RGMA: variants seen among roughly 807,000 people sequenced by gnomAD.
RGMA encodes the protein repulsive guidance molecule BMP co-receptor a.
A neutral mutation model predicts 23.2 loss-of-function variants in RGMA; 10 were observed. The ratio of observed to expected loss-of-function variants is 0.43; its 90% CI spans 0.27 to 0.73. The LOEUF is 0.73. Among genes scored for constraint, RGMA ranks in the 30% least tolerant of loss-of-function variants. The probability of loss-of-function intolerance (pLI) is 0.20; values close to 1 mark genes in which losing one functional copy is unlikely to be tolerated. For missense variants in RGMA, 547 were observed against 630.5 expected, an observed-to-expected ratio of 0.87 and a Z score of 1.42; for synonymous variants, 308 against 279.3, an observed-to-expected ratio of 1.10 and a Z score of -1.03.
chr15:93,073,471 G>A (rs1350387065), intron 1 of RGMA: 16 of 1,110,492 alleles, frequency 1.4e-5, no homozygotes, highest in Non-Finnish European at 2.0e-5. Context: ...GAGGCCGCAG[G>A]GCATGAGGCG....
At chr15:93,067,925 G>A (rs1430160732) in intron 2 of RGMA, among the ~76,000 whole-genome samples, 1 of 152,088 alleles carries the variant, frequency 6.6e-6, no homozygotes, top group Non-Finnish European at 1.5e-5. Flanking sequence ...GGTGACAGAG[G>A]GAACAGGCAG....
chr15:93,052,488 G>T lies in RGMA; in HGVS notation c.150C>A (p.Ile50=). The change falls in exon 3 of 4, where the codon ATC becomes ATA. Residue 50 remains isoleucine, a synonymous_variant. Coordinates refer to ENST00000329082, the MANE Select transcript of RGMA (RefSeq NM_020211.3). ...SFPAATSPCK[I]LKCNSEFWSA... ...TCCAGAACTCAGAGTTGCACTTGAG[G>T]ATCTTGCACGGGGAGGTGGCTGAGG... 1 of 1,575,250 alleles carries T rather than the reference G, an allele frequency of 6.3e-7. No individual in the cohort carries two copies. The highest frequency in any genetic ancestry group is 8.6e-7 in the Non-Finnish European group (1 of 1,161,476).
chr15:93,045,638 T>C lies in RGMA; in HGVS notation c.713A>G (p.Glu238Gly). The change falls in exon 4 of 4, where the codon GAG (glutamate) becomes GGG (glycine). Residue 238 changes from glutamate (E) to glycine (G), a missense_variant. By Grantham distance (98) the Glu-to-Gly change is moderately conservative. This residue lies in a region of RGMA where 128 missense variants were observed against 191.7 expected (regional missense o/e 0.67). Transcript: ENST00000329082. The surrounding 1 kb of genome is among the most constrained non-coding windows in gnomAD (Gnocchi z 6.9). ...GCCATCCACGAAGGCGGCCGGGAGC[T>C]CGTCCATCTCAGCCTGGTACACCTT... ...DQKVYQAEMD[E>G]LPAAFVDGSK... is the part of the protein sequence containing the mutation. 2 of 1,611,658 alleles carry C rather than the reference T, an allele frequency of 1.2e-6. No individual in the cohort carries two copies. Among genetic ancestry groups the C allele is most frequent in the South Asian group, 1.1e-5 (1 of 91,076 alleles).
At chr15:93,063,178 TG>T (rs1895026486) in intron 2 of RGMA, 1 of 152,236 alleles carries the variant, frequency 6.6e-6, no homozygotes, top group East Asian at 1.9e-4. Flanking sequence ...CCAGCGCCTG[TG>T]GAGACACTAG....
chr15:93,071,641 A>C (rs1895325919), intron 2 of RGMA, among the ~76,000 whole-genome samples: 1 of 152,100 alleles, frequency 6.6e-6, no homozygotes, highest in Admixed American at 6.5e-5. Context: ...CTCGCTCCCT[A>C]CTGTTCACTG....
Position 93,073,013 on chromosome 15 carries a change from T to A in RGMA, c.33A>T (p.Thr11=). Residue 11 remains threonine (T), a synonymous_variant, in exon 2 of 4, where the codon ACA becomes ACT. Transcript: ENST00000329082. MQPPRERLVV[T]GRAGWMGMGR... is the part of the protein sequence containing the mutation. The stretch of plus-strand genomic sequence containing the variant: ...CCATACCCATCCATCCAGCTCGGCC[T>A]GTTACCACTAGCCTCTCCCTGGAAG... The A allele has an allele frequency of 3.7e-6, 6 of 1,609,272 alleles. No homozygotes were observed. The highest frequency in any genetic ancestry group is 5.1e-6 in the Non-Finnish European group (6 of 1,178,118).
Position 93,044,674 on chromosome 15 carries a change from G to A in RGMA, c.*324C>T. On this transcript the variant is annotated 3_prime_UTR_variant, in exon 4 of 4. Coordinates refer to ENST00000329082, the MANE Select transcript of RGMA (RefSeq NM_020211.3). The stretch of plus-strand genomic sequence containing the variant: ...GAGGGGGAAGGAGCTGACTCTGACG[G>A]TTCCCAGTGTGTCTCTGGTGGGGGT... The A allele has an allele frequency of 4.9e-6, 2 of 407,442 alleles. No homozygotes were observed. The highest frequency in any genetic ancestry group is 8.9e-6 in the Non-Finnish European group (2 of 224,140). The allele number at this position is 407,442 out of a possible 1,614,324, so 25.2% of individuals were successfully genotyped here.
Position 93,043,256 on chromosome 15 carries a change from G to GCACGCGCACA in RGMA, c.*1741_*1742insTGTGCGCGTG, listed in dbSNP as rs1555447885. On this transcript the variant is annotated 3_prime_UTR_variant, in exon 4 of 4. Coordinates refer to ENST00000329082, the MANE Select transcript of RGMA (RefSeq NM_020211.3). ...TGCGTACATGCACGCACACAGGCAC[G>GCACGCGCACA]CACACACACAGGCATGCATACACAC... The GCACGCGCACA allele has an allele frequency of 7.4e-6, 1 of 136,000 alleles. No individual in the cohort carries two copies. Among genetic ancestry groups the GCACGCGCACA allele is most frequent in the African/African-American group, 2.5e-5 (1 of 39,426 alleles). The allele number at this position is 136,000 out of a possible 1,614,324, so 8.4% of individuals were successfully genotyped here.
chr15:93,045,282 A>G lies in RGMA; in HGVS notation c.1069T>C (p.Tyr357His), dbSNP rs1212391540. The G allele has an allele frequency of 1.2e-6, 2 of 1,612,868 alleles. No individual in the cohort carries two copies. The highest frequency in any genetic ancestry group is 1.1e-5 in the South Asian group (1 of 91,044). Residue 357 changes from tyrosine (Y) to histidine (H), a missense_variant, in exon 4 of 4, where the codon TAC (tyrosine) becomes CAC (histidine). By Grantham distance (83) the Tyr-to-His change is moderately conservative. Around this residue, in one of 3 missense-constraint regions of RGMA, gnomAD observed 205 missense variants for 204.1 expected, o/e 1.00. Transcript: ENST00000329082. This position sits in a 1 kb window ranked among gnomAD's most constrained non-coding sequence, Gnocchi z 6.9. Reference protein sequence around the residue: ...PAPTAPETFPYETAVAKCKEK... With the variant: ...PAPTAPETFPHETAVAKCKEK... Reference sequence around the variant, plus strand: ...TTGCACTTGGCCACGGCTGTCTCGTATGGGAAGGTCTCGGGGGCTGTGGGT... The same window carrying G: ...TTGCACTTGGCCACGGCTGTCTCGTGTGGGAAGGTCTCGGGGGCTGTGGGT...
intron 1 of RGMA, among the ~76,000 whole-genome samples, chr15:93,084,972 T>C (rs1895615047): frequency 6.6e-6 from 1 of 152,118 alleles, no homozygotes. Context: ...CACCTAATCT[T>C]GTTTAAAGAC....
At chr15:93,087,573 GCA>G (rs1895659426) in intron 1 of RGMA, among the ~76,000 whole-genome samples, 1 of 151,412 alleles carries the variant, frequency 6.6e-6, no homozygotes, top group African/African-American at 2.4e-5. Context: ...GCCCTTCGGA[GCA>G]CAGTTACTCT....
In RGMA at chr15:93,044,609, A is replaced by C; in HGVS notation, c.*389T>G. ...GTGGCGGGCACAGGGGGCCCCACGGATCGGCGAGCAGCAGTCGGCCGGGCC... is the reference window on the plus strand; with the variant it reads ...GTGGCGGGCACAGGGGGCCCCACGGCTCGGCGAGCAGCAGTCGGCCGGGCC... On this transcript the variant is annotated 3_prime_UTR_variant, in exon 4 of 4. Coordinates refer to ENST00000329082, the MANE Select transcript of RGMA (RefSeq NM_020211.3). 1 of 267,462 alleles carries C rather than the reference A, an allele frequency of 3.7e-6. No homozygotes were observed. The highest frequency in any genetic ancestry group is 5.5e-5 in the South Asian group (1 of 18,112). The allele number at this position is 267,462 out of a possible 1,614,324, so 16.6% of individuals were successfully genotyped here.
intron 1 of RGMA, among the ~76,000 whole-genome samples, chr15:93,087,957 A>G (rs1274846540): frequency 6.6e-6 from 1 of 152,074 alleles, no homozygotes; most frequent in Non-Finnish European, 1.5e-5. Context: ...CTTGTGCGGG[A>G]GACTACTTTG....
At chr15:93,047,778 G>A (rs2141798255) in intron 3 of RGMA, among the ~76,000 whole-genome samples, 1 of 152,318 alleles carries the variant, frequency 6.6e-6, no homozygotes, top group African/African-American at 2.4e-5. Context: ...CTGGGTAGAG[G>A]GCAATGCCGC....
chr15:93,073,282 G>C, intron 1 of RGMA: 8 of 811,268 alleles, frequency 9.9e-6, no homozygotes, highest in Non-Finnish European at 1.1e-5. Context: ...TCGGGTTTCA[G>C]CGAGGCCGGC....
In RGMA at chr15:93,073,014, G is replaced by C; in HGVS notation, c.32C>G (p.Thr11Arg). The stretch of plus-strand genomic sequence containing the variant: ...CATACCCATCCATCCAGCTCGGCCT[G>C]TTACCACTAGCCTCTCCCTGGAAGA... MQPPRERLVV[T>R]GRAGWMGMGR... Residue 11 changes from threonine (T) to arginine (R), a missense_variant, in exon 2 of 4, where the codon ACA becomes AGA. Thr to Arg is a moderately conservative substitution (Grantham distance 71). Coordinates refer to ENST00000329082, the MANE Select transcript of RGMA (RefSeq NM_020211.3). The C allele has an allele frequency of 1.2e-6, 2 of 1,608,770 alleles. No individual in the cohort carries two copies. Among genetic ancestry groups the C allele is most frequent in the Non-Finnish European group, 1.7e-6 (2 of 1,177,852 alleles).
In RGMA at chr15:93,036,675, G is replaced by C. The variant is rs2054664581; in HGVS notation, c.*8323C>G. On this transcript the variant is annotated 3_prime_UTR_variant, in exon 4 of 4. Transcript: ENST00000329082. Reference sequence around the variant, plus strand: ...CTGGTTTGACTCCGCCCCTGCTGTGGGGCTCACGAGCATGCCTTGAACACA... The same window carrying C: ...CTGGTTTGACTCCGCCCCTGCTGTGCGGCTCACGAGCATGCCTTGAACACA... 1 of 152,246 alleles carries C rather than the reference G, an allele frequency of 6.6e-6. No individual in the cohort carries two copies. Among genetic ancestry groups the C allele is most frequent in the South Asian group, 2.1e-4 (1 of 4,830 alleles). 9.4% of individuals were successfully genotyped at this position (152,246 alleles called of 1,614,324 possible).
At chr15:93,086,212 A>C (rs1895632544) in intron 1 of RGMA, among the ~76,000 whole-genome samples, 3 of 152,228 alleles carry the variant, frequency 2.0e-5, no homozygotes, top group Admixed American at 2.0e-4. Flanking sequence ...TTAAAAGTTA[A>C]CTAAACTTAC....
At position 93,045,496 on chromosome 15, in the gene RGMA, C is replaced by T. The variant is rs1197007753; in HGVS notation, c.855G>A (p.Gln285=). 1 of 1,613,200 alleles carries T rather than the reference C, an allele frequency of 6.2e-7. No individual in the cohort carries two copies. The highest frequency in any genetic ancestry group is 1.3e-5 in the African/African-American group (1 of 74,928). The part of the protein sequence containing the change: ...KYIGTTIVVR[Q]VGRYLTFAVR... Reference sequence around the variant, plus strand: ...CGGCAAAGGTCAGGTAGCGGCCCACCTGGCGCACCACGATGGTGGTGCCGA... The same window carrying T: ...CGGCAAAGGTCAGGTAGCGGCCCACTTGGCGCACCACGATGGTGGTGCCGA... The change falls in exon 4 of 4, where the codon CAG becomes CAA. Residue 285 remains glutamine, a synonymous_variant. Transcript: ENST00000329082. This position sits in a 1 kb window ranked among gnomAD's most constrained non-coding sequence, Gnocchi z 6.9.
Sources: allele counts gnomAD v4.1 joint callset (sites outside exome capture counted in the v4.1 genomes callset), GRCh38; gene constraint gnomAD v4.1.1; regional missense constraint gnomAD v4.1.1; non-coding constraint Gnocchi (gnomAD v3.1); transcripts MANE v1.5; gene names NCBI Gene and HGNC (gene_info 2026-07-23, HGNC 2026-07-21).